Variants in TADA2A observed in about 807,000 individuals in gnomAD.
TADA2A encodes the protein transcriptional adapter 2-alpha.
A neutral mutation model predicts 67.4 loss-of-function variants in TADA2A; 38 were observed. That is an observed-to-expected ratio of 0.56 (90% CI 0.44 to 0.74). The LOEUF (loss-of-function observed/expected upper bound fraction) is 0.74. Among genes scored for constraint, TADA2A ranks in the 30% least tolerant of loss-of-function variants. The probability of loss-of-function intolerance (pLI) is 0.00; values close to 1 mark genes in which losing one functional copy is unlikely to be tolerated. For synonymous variants in TADA2A, 192 were observed against 181.6 expected (o/e 1.06, Z -0.46); for missense variants, 454 against 547.0 (o/e 0.83, Z 1.70).
intron 4 of TADA2A, among the ~76,000 whole-genome samples, chr17:37,428,208 T>G (rs2052466290): frequency 6.6e-6 from 1 of 152,132 alleles, no homozygotes; most frequent in African/African-American, 2.4e-5. Flanking sequence ...CACAAATTTG[T>G]CTCACAGTTC....
intron 8 of TADA2A, among the ~76,000 whole-genome samples, chr17:37,452,344 A>T (rs1021870650): frequency 6.6e-6 from 1 of 152,128 alleles, no homozygotes; most frequent in Admixed American, 6.5e-5. Context: ...TGGAGGTTGC[A>T]GTGAGCTGAG....
chr17:37,472,976 T>C (rs1248534957), intron 14 of TADA2A, among the ~76,000 whole-genome samples: 1 of 152,144 alleles, frequency 6.6e-6, no homozygotes, highest in Non-Finnish European at 1.5e-5. Context: ...TTTTCTTTTT[T>C]TGTGAGACAG....
At chr17:37,453,710 A>G (rs1243434465) in intron 8 of TADA2A, among the ~76,000 whole-genome samples, 1 of 149,588 alleles carries the variant, frequency 6.7e-6, no homozygotes, top group African/African-American at 2.5e-5. Context: ...AGCATTCCAG[A>G]GGCTTTAGGC....
chr17:37,443,157 G>A (rs1024796123), intron 7 of TADA2A, among the ~76,000 whole-genome samples: 7 of 151,678 alleles, frequency 4.6e-5, no homozygotes, highest in African/African-American at 1.5e-4. Flanking sequence ...GTAAGACCCT[G>A]TCTCCAAAAA....
chr17:37,417,635 A>G (rs2052093192), intron 2 of TADA2A, among the ~76,000 whole-genome samples: 1 of 151,892 alleles, frequency 6.6e-6, no homozygotes, highest in African/African-American at 2.4e-5. Context: ...CCTAGGTTCA[A>G]GTGATTCTCA....
chr17:37,449,044 G>A lies in TADA2A; in HGVS notation c.604+4276G>A, dbSNP rs545290349. On this transcript the variant is annotated intron_variant, in intron 8 of 15. Transcript: ENST00000615182. ...TTTTTTTTTTTATTTTTTTTGAGACGGAGTCTCGCTCTATCGCCTAGGCTG... is the reference window on the plus strand; with the variant it reads ...TTTTTTTTTTTATTTTTTTTGAGACAGAGTCTCGCTCTATCGCCTAGGCTG... 7.3e-5 allele frequency among the ~76,000 whole-genome samples: 11 copies of A among 151,180 alleles called. 1 individual carries two copies. The South Asian group carries it at 8.3e-4, about 11-fold the overall frequency.
At chr17:37,457,557 G>A (rs1187098028) in intron 8 of TADA2A, among the ~76,000 whole-genome samples, 1 of 136,254 alleles carries the variant, frequency 7.3e-6, no homozygotes, top group African/African-American at 2.8e-5. Flanking sequence ...GAGTGTAGTG[G>A]CATGATCTCG....
intron 3 of TADA2A, among the ~76,000 whole-genome samples, chr17:37,424,877 T>C (rs2052357605): frequency 6.6e-6 from 1 of 151,610 alleles, no homozygotes. Flanking sequence ...TTTTTTCTTT[T>C]CCACGACAGA....
intron 8 of TADA2A, among the ~76,000 whole-genome samples, chr17:37,448,538 G>A (rs1317266808): frequency 2.0e-5 from 3 of 152,186 alleles, no homozygotes; most frequent in African/African-American, 7.2e-5. Context: ...TGTATGTTGT[G>A]AGATCTCAAT....
chr17:37,448,264 T>C (rs988300305), intron 8 of TADA2A, among the ~76,000 whole-genome samples: 3 of 152,104 alleles, frequency 2.0e-5, no homozygotes, highest in Non-Finnish European at 2.9e-5. Context: ...CCTTGAATCA[T>C]GGAATTTGTT....
intron 5 of TADA2A, among the ~76,000 whole-genome samples, chr17:37,439,974 G>T (rs912821206): frequency 7.4e-6 from 1 of 135,456 alleles, no homozygotes; most frequent in Non-Finnish European, 1.6e-5. Flanking sequence ...ATGGAGTTTC[G>T]CTCTTGTTGC....
intron 1 of TADA2A, among the ~76,000 whole-genome samples, chr17:37,410,084 A>G (rs2051814399): frequency 6.6e-6 from 1 of 152,070 alleles, no homozygotes; most frequent in Admixed American, 6.6e-5. Flanking sequence ...GGCACAAGAC[A>G]CAAGAATCAA....
chr17:37,455,448 C>T (rs1338090176), intron 8 of TADA2A, among the ~76,000 whole-genome samples: 1 of 151,722 alleles, frequency 6.6e-6, no homozygotes, highest in Non-Finnish European at 1.5e-5. Context: ...GTGGCGTGAT[C>T]TCGGTTCACT....
chr17:37,467,485 G>A lies in TADA2A; in HGVS notation c.855G>A (p.Arg285=), dbSNP rs776452779. The change falls in exon 12 of 16, where the codon AGG becomes AGA. Residue 285 remains arginine (R), a synonymous_variant. Transcript: ENST00000615182. ...LEFELRREIK[R]LQEYRTAGIT... The stretch of plus-strand genomic sequence containing the variant: ...TTGAACTCCGAAGGGAAATCAAGAG[G>A]CTCCAAGAATACAGGACAGCAGGCA... 14 of 1,613,970 alleles carry A rather than the reference G, an allele frequency of 8.7e-6. No individual in the cohort carries two copies. In the Admixed American group the frequency reaches 2.3e-4, roughly 27 times the overall value.
intron 14 of TADA2A, among the ~76,000 whole-genome samples, chr17:37,474,298 AGG>A (rs2053850145): frequency 2.6e-5 from 4 of 152,166 alleles, no homozygotes; most frequent in African/African-American, 9.6e-5. Context: ...TTTGATGCTA[AGG>A]TATGTGTGAC....
chr17:37,427,122 T>C (rs563740028), intron 4 of TADA2A, 113 bp downstream of exon 4: 3 of 814,994 alleles, frequency 3.7e-6, no homozygotes, highest in East Asian at 6.1e-5. Context: ...GGAATTAGTT[T>C]TCTTAATCTC....
At chr17:37,461,478 C>T (rs1430551320) in intron 9 of TADA2A, among the ~76,000 whole-genome samples, 2 of 152,234 alleles carry the variant, frequency 1.3e-5, no homozygotes, top group Non-Finnish European at 2.9e-5. Flanking sequence ...AGATTCAAGA[C>T]ACATAACTTT....
At chr17:37,407,324 C>T (rs1008865990) in intron 1 of TADA2A, 1 of 152,834 alleles carries the variant, frequency 6.5e-6, no homozygotes, top group East Asian at 1.9e-4. Context: ...AGCAGGCCCC[C>T]CAAAGTAGGT....
At chr17:37,447,514 C>G (rs1339053900) in intron 8 of TADA2A, among the ~76,000 whole-genome samples, 1 of 151,934 alleles carries the variant, frequency 6.6e-6, no homozygotes, top group Non-Finnish European at 1.5e-5. Context: ...TTGGCTCACA[C>G]CTGTAATCCT....
Sources: allele counts gnomAD v4.1 joint callset (sites outside exome capture counted in the v4.1 genomes callset), GRCh38; gene constraint gnomAD v4.1.1; transcripts MANE v1.5; gene names NCBI Gene and HGNC (gene_info 2026-07-23, HGNC 2026-07-21).